The following ANKRD26 variants were observed in gnomAD, a reference collection of about 807,000 sequenced individuals.
ANKRD26 encodes the protein ankyrin repeat domain 26.
In ANKRD26, 141 loss-of-function variants were observed where a neutral mutation model predicts 208.7. The observed-to-expected ratio is 0.68, with a 90% confidence interval of 0.59 to 0.78. The LOEUF (loss-of-function observed/expected upper bound fraction) is 0.78. ANKRD26 is among the 30% of genes least tolerant of loss of function. The pLI is 0.00. For missense variants in ANKRD26, 1,889 were observed against 1,938.7 expected, an observed-to-expected ratio of 0.97 and a Z score of 0.48; for synonymous variants, 636 against 660.4, an observed-to-expected ratio of 0.96 and a Z score of 0.57.
chr10:27,057,945 A>G (rs1479858525), intron 15 of ANKRD26, among the ~76,000 whole-genome samples: 1 of 151,948 alleles, frequency 6.6e-6, no homozygotes, highest in Non-Finnish European at 1.5e-5. Flanking sequence ...CAAAAAAAAA[A>G]AAAAAGAAAA....
In ANKRD26 at chr10:27,082,836, A is replaced by T; in HGVS notation, c.710-3T>A. ...GGAGTCTTCAGAGCTTTCATCCACT[A>T]TTAAAGAGAAAAGTAAAACACACTT... On this transcript the variant is annotated splice_region_variant and splice_polypyrimidine_tract_variant and intron_variant, in intron 5 of 33. Coordinates refer to ENST00000376087, the MANE Select transcript of ANKRD26 (RefSeq NM_014915.3). The T allele has an allele frequency of 6.3e-7, 1 of 1,588,652 alleles. No homozygotes were observed. The highest frequency in any genetic ancestry group is 8.6e-7 in the Non-Finnish European group (1 of 1,166,372).
At chr10:27,042,482 G>C (rs1019783318) in intron 20 of ANKRD26, among the ~76,000 whole-genome samples, 7 of 152,134 alleles carry the variant, frequency 4.6e-5, no homozygotes, top group Non-Finnish European at 8.8e-5. Flanking sequence ...GGCAGGGCGT[G>C]GTGGCTCACG....
the ANKRD26 span, among the ~76,000 whole-genome samples, chr10:26,959,426 G>A: frequency 3.3e-4 from 51 of 152,294 alleles, no homozygotes; most frequent in Non-Finnish European, 6.2e-4. Context: ...ATTCAGGAGA[G>A]CTCATCTTAG....
intron 4 of ANKRD26, among the ~76,000 whole-genome samples, chr10:26,995,554 G>A (rs2052572693): frequency 6.6e-6 from 1 of 152,170 alleles, no homozygotes; most frequent in African/African-American, 2.4e-5. Flanking sequence ...GAAGTTGGTG[G>A]GCAAGGGAGA....
At chr10:27,051,440 G>T (rs1208280582) in intron 16 of ANKRD26, 20 of 1,084,704 alleles carry the variant, frequency 1.8e-5, no homozygotes, top group Non-Finnish European at 2.3e-5. Context: ...CTAATTTCCA[G>T]TTAGTGGTAT....
intron 9 of ANKRD26, chr10:27,077,007 T>C (rs1411754996): frequency 1.1e-5 from 3 of 272,420 alleles, no homozygotes; most frequent in East Asian, 9.3e-5. Context: ...ATAAAGCCAG[T>C]ATCACCCTAA....
intron 1 of ANKRD26, among the ~76,000 whole-genome samples, chr10:27,094,415 T>C (rs2056401082): frequency 6.6e-6 from 1 of 152,198 alleles, no homozygotes. Flanking sequence ...AGGCTTGACC[T>C]TTAGATTCAG....
intron 4 of ANKRD26, among the ~76,000 whole-genome samples, chr10:27,087,681 C>G (rs1171792857): frequency 1.3e-5 from 2 of 152,204 alleles, no homozygotes; most frequent in African/African-American, 4.8e-5. Context: ...CTGGTTTAGA[C>G]AACGACTTTT....
intron 4 of ANKRD26, among the ~76,000 whole-genome samples, chr10:26,982,002 T>C (rs2052316221): frequency 6.6e-6 from 1 of 152,190 alleles, no homozygotes; most frequent in African/African-American, 2.4e-5. Flanking sequence ...GACATCCTCA[T>C]GTTAATTCTC....
intron 30 of ANKRD26, among the ~76,000 whole-genome samples, chr10:27,016,835 ACTTTT>A (rs2053310456): frequency 1.3e-5 from 2 of 151,514 alleles, no homozygotes; most frequent in African/African-American, 4.8e-5. Context: ...TTTTTCCTTT[ACTTTT>A]GAGTTAGTGA....
At chr10:26,994,385 A>G (rs898933806) in intron 5 of ANKRD26, among the ~76,000 whole-genome samples, 1 of 152,206 alleles carries the variant, frequency 6.6e-6, no homozygotes, top group Admixed American at 6.5e-5. Flanking sequence ...CTGGATTCCA[A>G]TGGGTCTGAT....
chr10:27,073,991 T>A lies in ANKRD26; in HGVS notation c.1077+3347A>T, dbSNP rs902948598. ...ATAAACTATAGACATTCAAGTCACATCCTCAAGGGGGGAAAAATAAATAAA... is the reference window on the plus strand; with the variant it reads ...ATAAACTATAGACATTCAAGTCACAACCTCAAGGGGGGAAAAATAAATAAA... On this transcript the variant is annotated intron_variant, in intron 9 of 33. Transcript: ENST00000376087. 1.2e-4 allele frequency among the ~76,000 whole-genome samples: 18 copies of A among 151,908 alleles called. No homozygotes were observed. In the South Asian group the frequency reaches 2.5e-3, roughly 21 times the overall value.
chr10:27,005,818 T>C (rs2052854918), intron 33 of ANKRD26, 95 bp from the exon 34 acceptor site: 2 of 1,473,108 alleles, frequency 1.4e-6, no homozygotes, highest in South Asian at 1.4e-5. Flanking sequence ...TTTGTCAGTA[T>C]TAATAAGAAA....
intron 4 of ANKRD26, among the ~76,000 whole-genome samples, chr10:27,087,987 T>C (rs2056177699): frequency 1.3e-5 from 2 of 152,110 alleles, no homozygotes; most frequent in South Asian, 2.1e-4. Context: ...GGTCTTGCTA[T>C]GTTGCCCAGG....
the ANKRD26 span, among the ~76,000 whole-genome samples, chr10:26,967,884 T>C: frequency 6.6e-6 from 1 of 152,218 alleles, no homozygotes; most frequent in Non-Finnish European, 1.5e-5. Flanking sequence ...ACCTTACTTC[T>C]GGACAGCATC....
intron 16 of ANKRD26, chr10:27,051,695 G>T (rs987465345): frequency 7.1e-6 from 7 of 985,288 alleles, no homozygotes; most frequent in Non-Finnish European, 8.4e-6. Context: ...AGCCATTTTC[G>T]AGACTGAGTA....
At position 27,022,645 on chromosome 10, in the gene ANKRD26, T is replaced by C. The variant is rs373973624; in HGVS notation, c.4128A>G (p.Glu1376=). The change falls in exon 29 of 34, where the codon GAA becomes GAG. Residue 1376 remains glutamate (E), a synonymous_variant. Transcript: ENST00000376087. The stretch of plus-strand genomic sequence containing the variant: ...GGAAACTAAATTCTCCATTTTCATA[T>C]TCATTTAACTTCTTTCTTGTCATTT... The part of the protein sequence containing the change: ...LLKMTRKKLN[E]YENGEFSFHG... 71 of 1,580,798 alleles carry C rather than the reference T, an allele frequency of 4.5e-5. No homozygotes were observed. Among genetic ancestry groups the C allele is most frequent in the Non-Finnish European group, 6.0e-5 (69 of 1,154,838 alleles).
At chr10:26,952,016 T>C in the ANKRD26 span, among the ~76,000 whole-genome samples, 4 of 152,212 alleles carry the variant, frequency 2.6e-5, no homozygotes, top group African/African-American at 9.6e-5. Flanking sequence ...TTTGCAGTCT[T>C]AATGTTCCTT....
chr10:26,994,874 T>C (rs369800515), intron 5 of ANKRD26, among the ~76,000 whole-genome samples: 130 of 152,328 alleles, frequency 8.5e-4, no homozygotes, highest in African/African-American at 2.8e-3. Flanking sequence ...CTTGTGAACA[T>C]AGAGCTCGCC....
Sources: allele counts gnomAD v4.1 joint callset (sites outside exome capture counted in the v4.1 genomes callset), GRCh38; gene constraint gnomAD v4.1.1; transcripts MANE v1.5; gene names NCBI Gene and HGNC (gene_info 2026-07-23, HGNC 2026-07-21).